TMEM164: variants seen among roughly 807,000 people sequenced by gnomAD.
The protein encoded by TMEM164 is transmembrane protein 164, also known as RP13-360B22.2.
TMEM164 carries 4 observed loss-of-function variants against 18.8 expected under a neutral mutation model. That is an observed-to-expected ratio of 0.21 (90% CI 0.10 to 0.49). The LOEUF (loss-of-function observed/expected upper bound fraction) is 0.49, where lower values mean the gene tolerates loss of function less well. TMEM164 is among the 20% of genes least tolerant of loss of function. The probability of loss-of-function intolerance (pLI) is 0.98; values close to 1 mark genes in which losing one functional copy is unlikely to be tolerated. For synonymous variants in TMEM164, 86 were observed against 101.7 expected (o/e 0.85, Z 0.93); for missense variants, 108 against 239.9 (o/e 0.45, Z 3.63).
intron 5 of TMEM164, among the ~76,000 whole-genome samples, chrX:110,164,945 T>C (rs1188750950): frequency 8.9e-6 from 1 of 112,317 alleles, no homozygotes; most frequent in African/African-American, 3.2e-5. Flanking sequence ...AGAGAAGAGA[T>C]TGAGAACATA....
intron 5 of TMEM164, 56 bp downstream of exon 5, chrX:110,144,932 G>A: frequency 1.0e-6 from 1 of 963,383 alleles, no homozygotes; most frequent in East Asian, 3.2e-5. Flanking sequence ...TCTCCCTTCT[G>A]TTTTTGGGAG....
At chrX:110,060,970 T>C (rs1936097926) in intron 2 of TMEM164, among the ~76,000 whole-genome samples, 1 of 112,280 alleles carries the variant, frequency 8.9e-6, no homozygotes, top group Non-Finnish European at 1.9e-5. Flanking sequence ...AATAATACTA[T>C]TGTAATCCTC....
intron 2 of TMEM164, among the ~76,000 whole-genome samples, chrX:110,011,911 C>A (rs1933027218): frequency 8.9e-6 from 1 of 111,992 alleles, no homozygotes; most frequent in Non-Finnish European, 1.9e-5. Context: ...GGGTAGATGT[C>A]TTACTTCTCC....
At chrX:110,156,807 T>C (rs935647856) in intron 5 of TMEM164, among the ~76,000 whole-genome samples, 1 of 111,248 alleles carries the variant, frequency 9.0e-6, no homozygotes, top group African/African-American at 3.3e-5. Context: ...ATAAGGGCAC[T>C]AATCTCATTC....
At chrX:110,023,767 G>A (rs769224287) in intron 2 of TMEM164, among the ~76,000 whole-genome samples, 1 of 111,273 alleles carries the variant, frequency 9.0e-6, no homozygotes, top group African/African-American at 3.3e-5. Context: ...TGTAGATCTG[G>A]CTGACTCGTT....
In TMEM164 at chrX:110,173,975, C is replaced by T. The variant is rs987103787; in HGVS notation, c.*524C>T. The T allele has an allele frequency of 3.5e-5, 4 of 113,911 alleles. No individual in the cohort carries two copies. Among genetic ancestry groups the T allele is most frequent in the African/African-American group, 6.6e-5 (2 of 30,417 alleles). The allele number at this position is 113,911 out of a possible 1,213,427, so 9.4% of individuals were successfully genotyped here. A position where few individuals can be genotyped will look rare whatever the true frequency, so the allele number is the denominator to read the frequency against. On this transcript the variant is annotated 3_prime_UTR_variant, in exon 7 of 7. Coordinates refer to ENST00000372068, the MANE Select transcript of TMEM164 (RefSeq NM_032227.4). ...CCCAGAGCCGAGGGATTTCACAGCT[C>T]GTGGTCAAGACAGAACCAGCCAGAT...
At chrX:110,072,027 G>A (rs1349159800) in intron 3 of TMEM164, among the ~76,000 whole-genome samples, 3 of 110,787 alleles carry the variant, frequency 2.7e-5, no homozygotes, top group Admixed American at 9.6e-5. Context: ...CTGGCTGGGC[G>A]TGGTGGTGGG....
At chrX:110,109,333 C>T (rs917785209) in intron 4 of TMEM164, among the ~76,000 whole-genome samples, 187 bp downstream of exon 4, 2 of 111,780 alleles carry the variant, frequency 1.8e-5, no homozygotes, top group Non-Finnish European at 3.8e-5. Context: ...GTCTGGCCGA[C>T]ATGGTGAAGC....
rs1602723097 is a variant in TMEM164, at chrX:110,155,598, C to G, written c.586+10722C>G. On this transcript the variant is annotated intron_variant, in intron 5 of 6. Coordinates refer to ENST00000372068, the MANE Select transcript of TMEM164 (RefSeq NM_032227.4). ...GCCCTTCCTCCTCATCCTCACCACCCCTGTCCGACTGTGGGCTCTCAGCCT... is the reference window on the plus strand; with the variant it reads ...GCCCTTCCTCCTCATCCTCACCACCGCTGTCCGACTGTGGGCTCTCAGCCT... Among the ~76,000 whole-genome samples, 3 of 111,235 alleles carry G rather than the reference C, an allele frequency of 2.7e-5. 1 individual carries two copies. In the Admixed American group the frequency reaches 2.9e-4, roughly 11 times the overall value.
In TMEM164 at chrX:110,122,360, G is replaced by C. The variant is rs760035248; in HGVS notation, c.507+13214G>C. ...AAACACCGCATATTCTCACTCATAG[G>C]TGGGAATTGAACAATGAGAACACAT... On this transcript the variant is annotated intron_variant, in intron 4 of 6. Transcript: ENST00000372068. 2.3e-4 allele frequency among the ~76,000 whole-genome samples: 23 copies of C among 102,163 alleles called. No individual in the cohort carries two copies. In the East Asian group the frequency reaches 7.2e-3, roughly 32 times the overall value. The allele number at this position is 102,163 out of a possible 115,157, so 88.7% of individuals were successfully genotyped here.
At chrX:110,046,979 C>T (rs139812603) in intron 2 of TMEM164, among the ~76,000 whole-genome samples, 3 of 111,636 alleles carry the variant, frequency 2.7e-5, no homozygotes, top group Middle Eastern at 4.6e-3. Context: ...CTATTGAGTC[C>T]GGATATTGGA....
At chrX:110,077,146 G>T in intron 3 of TMEM164, among the ~76,000 whole-genome samples, 1 of 112,213 alleles carries the variant, frequency 8.9e-6, no homozygotes, top group Non-Finnish European at 1.9e-5. Context: ...CCAATGTTGG[G>T]TGCATATATA....
chrX:110,071,716 C>CAAAAAAAA (rs59182790), intron 3 of TMEM164, among the ~76,000 whole-genome samples: 7 of 43,342 alleles, frequency 1.6e-4, no homozygotes, highest in East Asian at 1.0e-3. Flanking sequence ...TTTGTCTCTA[C>CAAAAAAAA]AAAAAAAAAA....
intron 4 of TMEM164, among the ~76,000 whole-genome samples, chrX:110,121,511 G>T (rs1308778950): frequency 8.9e-6 from 1 of 112,300 alleles, no homozygotes; most frequent in Non-Finnish European, 1.9e-5. Context: ...GTTCATCCAT[G>T]TTGTTGCATG....
intron 2 of TMEM164, among the ~76,000 whole-genome samples, chrX:110,021,295 C>T (rs1569296861): frequency 9.0e-6 from 1 of 111,489 alleles, no homozygotes; most frequent in East Asian, 2.8e-4. Flanking sequence ...ACTGAGAAAA[C>T]ATCATGTGTT....
rs1178013872 is a variant in TMEM164 at position 110,177,613 on chromosome X, A to G, written c.*4162A>G. 8.9e-6 allele frequency: 1 copy of G among 112,594 alleles called. No individual in the cohort carries two copies. 9.3% of individuals were successfully genotyped at this position (112,594 alleles called of 1,213,427 possible). A position where few individuals can be genotyped will look rare whatever the true frequency, so the allele number is the denominator to read the frequency against. ...TGTAAAACCTTTTGATTGTACCGAA[A>G]TGGTATCTGCAGTCGCCTTTGGAAA... is the stretch of plus-strand genomic sequence containing the variant. On this transcript the variant is annotated 3_prime_UTR_variant, in exon 7 of 7. Coordinates refer to ENST00000372068, the MANE Select transcript of TMEM164 (RefSeq NM_032227.4).
intron 2 of TMEM164, chrX:110,020,275 C>G: frequency 1.8e-6 from 1 of 563,485 alleles, no homozygotes; most frequent in Non-Finnish European, 2.1e-6. Flanking sequence ...TAGTCCAATC[C>G]CTTTGTTTTC....
chrX:110,174,572 T>C lies in TMEM164; in HGVS notation c.*1121T>C, dbSNP rs1182583200. ...CCAGATTTCTTCAGTGTATCCACAC[T>C]CAGTGCTGAATTGTTTAATGTGGGG... On this transcript the variant is annotated 3_prime_UTR_variant, in exon 7 of 7. Transcript: ENST00000372068. 3 of 110,684 alleles carry C rather than the reference T, an allele frequency of 2.7e-5. No homozygotes were observed. In the East Asian group the frequency reaches 8.6e-4, roughly 32 times the overall value. 9.1% of individuals were successfully genotyped at this position (110,684 alleles called of 1,213,427 possible). A position where few individuals can be genotyped will look rare whatever the true frequency, so the allele number is the denominator to read the frequency against.
At chrX:110,071,587 T>G (rs1473824631) in intron 3 of TMEM164, among the ~76,000 whole-genome samples, 3 of 107,530 alleles carry the variant, frequency 2.8e-5, no homozygotes, top group African/African-American at 1.0e-4. Context: ...TTCTTCAAGT[T>G]TAAGGATTGA....
Sources: gnomAD v4.1 joint callset for allele counts (sites outside exome capture counted in the v4.1 genomes callset) on GRCh38, gnomAD v4.1.1 for gene constraint, MANE v1.5 for transcripts, NCBI Gene and HGNC (gene_info 2026-07-23, HGNC 2026-07-21) for gene names.